The following CACNB2 variants were observed in gnomAD, a reference collection of about 807,000 sequenced individuals.
CACNB2 encodes calcium voltage-gated channel auxiliary subunit beta 2.
A neutral mutation model predicts 73.3 loss-of-function variants in CACNB2; 42 were observed. The observed-to-expected ratio is 0.57, with a 90% CI of 0.45 to 0.74. The LOEUF (loss-of-function observed/expected upper bound fraction) is 0.74. CACNB2 is among the 30% of genes least tolerant of loss of function. The pLI, the probability that CACNB2 is intolerant of heterozygous loss-of-function variation, is 0.00. For synonymous variants in CACNB2, 348 were observed against 310.3 expected, an observed-to-expected ratio of 1.12 and a Z score of -1.28; for missense variants, 940 against 853.0, an observed-to-expected ratio of 1.10 and a Z score of -1.27.
At chr10:18,144,992 G>A (rs1299872718) in intron 1 of CACNB2, among the ~76,000 whole-genome samples, 1 of 152,168 alleles carries the variant, frequency 6.6e-6, no homozygotes, top group Non-Finnish European at 1.5e-5. Flanking sequence ...AGGAAACGGA[G>A]GAGTAACAAG....
chr10:18,249,939 A>G (rs1185970608), intron 2 of CACNB2, among the ~76,000 whole-genome samples: 1 of 152,140 alleles, frequency 6.6e-6, no homozygotes, highest in Non-Finnish European at 1.5e-5. Context: ...CAGGAAATGG[A>G]GCAATCATGT....
intron 2 of CACNB2, among the ~76,000 whole-genome samples, chr10:18,188,648 A>G (rs1247482755): frequency 6.6e-6 from 1 of 152,172 alleles, no homozygotes; most frequent in Non-Finnish European, 1.5e-5. Flanking sequence ...TGAAAATAGT[A>G]TATGCTTATT....
chr10:18,326,706 T>C (rs1461905176), intron 2 of CACNB2, among the ~76,000 whole-genome samples: 1 of 152,212 alleles, frequency 6.6e-6, no homozygotes, highest in South Asian at 2.1e-4. Context: ...TTTATGCTCC[T>C]TCATGTTAAT....
chr10:18,214,700 T>A (rs1474809877), intron 2 of CACNB2, among the ~76,000 whole-genome samples: 3 of 151,724 alleles, frequency 2.0e-5, no homozygotes, highest in African/African-American at 7.3e-5. Context: ...GGAGGTTGCC[T>A]ACCATTGCCC....
chr10:18,538,650 G>C (rs545601699), intron 13 of CACNB2, among the ~76,000 whole-genome samples: 1 of 152,102 alleles, frequency 6.6e-6, no homozygotes, highest in African/African-American at 2.4e-5. Context: ...TACCACTTGT[G>C]GGGTGGATAA....
chr10:18,325,369 A>G (rs978298589), intron 2 of CACNB2, among the ~76,000 whole-genome samples: 1 of 151,040 alleles, frequency 6.6e-6, no homozygotes, highest in Non-Finnish European at 1.5e-5. Context: ...TTTTTTTTAA[A>G]TTTTTTGTAG....
chr10:18,534,246 GT>G lies in CACNB2; in HGVS notation c.1206+22del, dbSNP rs1365200927. On this transcript the variant is annotated intron_variant, in intron 11 of 13. Transcript: ENST00000324631. ...TCCTAAGGTAAGTAGGACTGCTACT[GT>G]TTGCTCTATAATCAAACTTTCCTAA... The G allele has an allele frequency of 6.2e-7, 1 of 1,600,456 alleles. No homozygotes were observed. The highest frequency in any genetic ancestry group is 2.2e-5 in the East Asian group (1 of 44,806).
At chr10:18,442,928 A>G (rs1328685904) in intron 3 of CACNB2, among the ~76,000 whole-genome samples, 19 of 50,676 alleles carry the variant, frequency 3.7e-4, no homozygotes, top group South Asian at 6.5e-4. Context: ...ATATATATGT[A>G]TATATATATA....
intron 5 of CACNB2, among the ~76,000 whole-genome samples, chr10:18,505,413 T>C (rs1485286216): frequency 6.6e-6 from 1 of 152,186 alleles, no homozygotes; most frequent in Non-Finnish European, 1.5e-5. Flanking sequence ...TAAAAAGATA[T>C]ACAGCCCTCC....
chr10:18,207,221 C>G (rs1259221605), intron 2 of CACNB2, among the ~76,000 whole-genome samples: 1 of 152,132 alleles, frequency 6.6e-6, no homozygotes. Flanking sequence ...GTTGGCCAAG[C>G]TGGTCTTGAA....
At chr10:18,342,188 G>A (rs148722532) in intron 2 of CACNB2, among the ~76,000 whole-genome samples, 13 of 152,104 alleles carry the variant, frequency 8.5e-5, no homozygotes, top group Admixed American at 2.0e-4. Context: ...TTCCTGCAGC[G>A]GAATTCTGTG....
intron 3 of CACNB2, among the ~76,000 whole-genome samples, chr10:18,427,950 A>G (rs2045689499): frequency 6.6e-6 from 1 of 152,044 alleles, no homozygotes. Flanking sequence ...TTAGCTCATT[A>G]TTTCTCAAAG....
At chr10:18,478,168 T>G (rs1044954145) in intron 3 of CACNB2, among the ~76,000 whole-genome samples, 2 of 152,076 alleles carry the variant, frequency 1.3e-5, no homozygotes, top group Non-Finnish European at 2.9e-5. Flanking sequence ...CTGACCTAAG[T>G]TGATCCTCCC....
chr10:18,192,949 C>T (rs1468245370), intron 2 of CACNB2, among the ~76,000 whole-genome samples: 1 of 152,114 alleles, frequency 6.6e-6, no homozygotes, highest in East Asian at 1.9e-4. Context: ...CTGCTATGAA[C>T]ATTTATGTAT....
intron 2 of CACNB2, among the ~76,000 whole-genome samples, chr10:18,178,530 C>A (rs1163109907): frequency 2.0e-5 from 3 of 151,962 alleles, no homozygotes; most frequent in East Asian, 1.9e-4. Flanking sequence ...TTTTTGATTC[C>A]TTTTATTTTT....
chr10:18,401,476 G>T (rs991624079), intron 2 of CACNB2, among the ~76,000 whole-genome samples: 1 of 152,190 alleles, frequency 6.6e-6, no homozygotes, highest in African/African-American at 2.4e-5. Context: ...TCATGTCATG[G>T]TAGTGACATT....
chr10:18,201,046 C>T (rs564891367), intron 2 of CACNB2, among the ~76,000 whole-genome samples: 7 of 152,212 alleles, frequency 4.6e-5, no homozygotes, highest in African/African-American at 1.7e-4. Context: ...CAAATTAATT[C>T]TATTGGGTGA....
chr10:18,432,053 G>A (rs1398658487), intron 3 of CACNB2, among the ~76,000 whole-genome samples: 1 of 152,138 alleles, frequency 6.6e-6, no homozygotes, highest in Non-Finnish European at 1.5e-5. Flanking sequence ...ATGAGCCACC[G>A]CACCCGGCCC....
At chr10:18,221,257 C>T (rs962963355) in intron 2 of CACNB2, among the ~76,000 whole-genome samples, 1 of 151,672 alleles carries the variant, frequency 6.6e-6, no homozygotes, top group Non-Finnish European at 1.5e-5. Flanking sequence ...AATAGCAGTA[C>T]TGTTGATTGT....
Sources: allele counts gnomAD v4.1 joint callset (sites outside exome capture counted in the v4.1 genomes callset), GRCh38; gene constraint gnomAD v4.1.1; transcripts MANE v1.5; gene names NCBI Gene and HGNC (gene_info 2026-07-23, HGNC 2026-07-21).